The following EXT1 variants were observed in gnomAD, a reference collection of about 807,000 sequenced individuals.
EXT1 encodes the protein exostosin glycosyltransferase 1.
In EXT1, 20 loss-of-function variants were observed where a neutral mutation model predicts 82.5. That is an observed-to-expected ratio of 0.24 (90% CI 0.17 to 0.35). The LOEUF (loss-of-function observed/expected upper bound fraction) is 0.35. Among genes scored for constraint, EXT1 ranks in the 10% least tolerant of loss-of-function variants. The probability of loss-of-function intolerance (pLI) is 1.00; values close to 1 mark genes in which losing one functional copy is unlikely to be tolerated. For missense variants in EXT1, 757 were observed against 936.5 expected (o/e 0.81, Z 2.50); for synonymous variants, 348 against 350.8 (o/e 0.99, Z 0.09).
intron 1 of EXT1, among the ~76,000 whole-genome samples, chr8:117,997,331 G>A (rs1475815898): frequency 1.4e-5 from 2 of 142,826 alleles, no homozygotes; most frequent in East Asian, 2.0e-4. Flanking sequence ...TTAACAAATC[G>A]TCATAACACA....
chr8:118,063,600 AGTTCTCT>A (rs939414435), intron 1 of EXT1, among the ~76,000 whole-genome samples: 2 of 152,236 alleles, frequency 1.3e-5, no homozygotes, highest in Non-Finnish European at 2.9e-5. Flanking sequence ...GAATTGCTTC[AGTTCTCT>A]GTGAGAATAC....
At chr8:117,918,706 C>T (rs968078648) in intron 1 of EXT1, among the ~76,000 whole-genome samples, 1 of 152,180 alleles carries the variant, frequency 6.6e-6, no homozygotes, top group Non-Finnish European at 1.5e-5. Flanking sequence ...GCGAACTGAG[C>T]GTCCCACTGA....
intron 1 of EXT1, among the ~76,000 whole-genome samples, chr8:117,844,158 T>TTATTATTATTATTAC (rs1033036176): frequency 6.7e-6 from 1 of 149,260 alleles, no homozygotes; most frequent in Non-Finnish European, 1.5e-5. Context: ...ATTATTATTA[T>TTATTATTATTATTAC]TATTATTATT....
chr8:117,883,702 G>A lies in EXT1; in HGVS notation c.963-46501C>T, dbSNP rs539553668. On this transcript the variant is annotated intron_variant, in intron 1 of 10. Coordinates refer to ENST00000378204, the MANE Select transcript of EXT1 (RefSeq NM_000127.3). ...CCACTAGCGAAGCAATCCTTGTAAC[G>A]AAGTGCACCTGGAGAGCCCTTTGGA... is the stretch of plus-strand genomic sequence containing the variant. Among the ~76,000 whole-genome samples, 172 of 152,284 alleles carry A rather than the reference G, an allele frequency of 1.1e-3. 1 individual carries two copies. Among genetic ancestry groups the A allele is most frequent in the African/African-American group, 3.6e-3 (150 of 41,572 alleles).
intron 1 of EXT1, among the ~76,000 whole-genome samples, chr8:117,909,107 G>C (rs1813596773): frequency 6.7e-6 from 1 of 149,430 alleles, no homozygotes; most frequent in African/African-American, 2.4e-5. Flanking sequence ...ACTCCAGCCT[G>C]GTCGACAGAG....
chr8:117,936,540 T>C (rs1239285611), intron 1 of EXT1, among the ~76,000 whole-genome samples: 1 of 152,240 alleles, frequency 6.6e-6, no homozygotes, highest in Non-Finnish European at 1.5e-5. Context: ...GGGAACTGTC[T>C]ATCTTCTCTA....
At chr8:117,807,480 G>T (rs17479145) in intron 8 of EXT1, 103 bp from the exon 9 acceptor site, 1 of 1,309,978 alleles carries the variant, frequency 7.6e-7, no homozygotes, top group Non-Finnish European at 1.1e-6. Flanking sequence ...TCCGGGGACT[G>T]TGGCGAAACA....
chr8:117,925,717 A>G (rs1813940721), intron 1 of EXT1, among the ~76,000 whole-genome samples: 2 of 150,808 alleles, frequency 1.3e-5, no homozygotes, highest in Admixed American at 6.6e-5. Context: ...AAAAAAAAAA[A>G]AAAAAAGAAA....
intron 1 of EXT1, among the ~76,000 whole-genome samples, chr8:117,942,104 A>G (rs17475939): frequency 6.6e-6 from 1 of 152,100 alleles, no homozygotes; most frequent in Middle Eastern, 3.2e-3. Flanking sequence ...CAACCTCATT[A>G]ATTTTAACAT....
At chr8:117,918,187 T>G (rs775924276) in intron 1 of EXT1, among the ~76,000 whole-genome samples, 1 of 152,208 alleles carries the variant, frequency 6.6e-6, no homozygotes. Flanking sequence ...TTCCCAGCAA[T>G]GTTACTTCAT....
At chr8:117,861,942 C>T (rs964461115) in intron 1 of EXT1, among the ~76,000 whole-genome samples, 6 of 145,444 alleles carry the variant, frequency 4.1e-5, no homozygotes, top group East Asian at 1.9e-4. Context: ...ACAAACCAAA[C>T]GGTGAAAACT....
chr8:118,099,312 T>C (rs2130017926), intron 1 of EXT1, among the ~76,000 whole-genome samples: 1 of 152,348 alleles, frequency 6.6e-6, no homozygotes, highest in East Asian at 1.9e-4. Context: ...CCCACTTCCT[T>C]ATATTTGGGT....
At chr8:117,885,126 G>C (rs1813124497) in intron 1 of EXT1, among the ~76,000 whole-genome samples, 1 of 152,144 alleles carries the variant, frequency 6.6e-6, no homozygotes, top group Non-Finnish European at 1.5e-5. Flanking sequence ...TCAAGGTACA[G>C]CCTACCTATC....
rs1222995138 is a variant in EXT1 at position 117,798,417 on chromosome 8, A to G, written c.*1295T>C. On this transcript the variant is annotated 3_prime_UTR_variant, in exon 11 of 11. Coordinates refer to ENST00000378204, the MANE Select transcript of EXT1 (RefSeq NM_000127.3). ...GAGTTAGGGATATGTTTTTTTTTTC[A>G]GTTTATACTTGGAGTTTAACAATAA... is the stretch of plus-strand genomic sequence containing the variant. 6.6e-6 allele frequency: 1 copy of G among 151,046 alleles called. No homozygotes were observed. The highest frequency in any genetic ancestry group is 6.6e-5 in the Admixed American group (1 of 15,200). 9.4% of individuals were successfully genotyped at this position (151,046 alleles called of 1,614,324 possible).
intron 1 of EXT1, among the ~76,000 whole-genome samples, chr8:117,936,659 G>T (rs905201171): frequency 6.6e-6 from 1 of 152,200 alleles, no homozygotes; most frequent in African/African-American, 2.4e-5. Flanking sequence ...CAGATCACCT[G>T]AGGGCAGGAT....
At chr8:118,020,868 CA>C (rs1816091832) in intron 1 of EXT1, among the ~76,000 whole-genome samples, 1 of 152,144 alleles carries the variant, frequency 6.6e-6, no homozygotes, top group Non-Finnish European at 1.5e-5. Context: ...GGTAGTTACA[CA>C]GATCAAATAA....
intron 1 of EXT1, among the ~76,000 whole-genome samples, chr8:117,924,639 T>C (rs1005388846): frequency 6.6e-6 from 1 of 152,120 alleles, no homozygotes; most frequent in Non-Finnish European, 1.5e-5. Context: ...AATAGGAAAT[T>C]CAGAGGAACA....
chr8:117,847,031 C>G (rs1812373261), intron 1 of EXT1, among the ~76,000 whole-genome samples: 1 of 152,162 alleles, frequency 6.6e-6, no homozygotes, highest in South Asian at 2.1e-4. Context: ...TTTCCTTCCC[C>G]TGGATTCCGG....
At chr8:117,864,117 T>C (rs1812732971) in intron 1 of EXT1, among the ~76,000 whole-genome samples, 1 of 152,244 alleles carries the variant, frequency 6.6e-6, no homozygotes, top group South Asian at 2.1e-4. Context: ...CGCTGAGAAA[T>C]AGGTCCCAGC....
Sources: gnomAD v4.1 joint callset for allele counts (sites outside exome capture counted in the v4.1 genomes callset) on GRCh38, gnomAD v4.1.1 for gene constraint, MANE v1.5 for transcripts, NCBI Gene and HGNC (gene_info 2026-07-23, HGNC 2026-07-21) for gene names.